Variants in LIG1 observed in about 807,000 individuals in gnomAD.
LIG1 encodes the protein ligase I, DNA, ATP-dependent.
Under a neutral mutation model 115.7 loss-of-function variants are expected in LIG1, and 70 were observed. That is an observed-to-expected ratio of 0.60 (90% CI 0.50 to 0.74). The LOEUF is 0.74. Among genes scored for constraint, LIG1 ranks in the 30% least tolerant of loss-of-function variants. LIG1 has a pLI of 0.00. For synonymous variants in LIG1, 487 were observed against 495.3 expected (o/e 0.98, Z 0.22); for missense variants, 1,115 against 1,225.6 (o/e 0.91, Z 1.35).
intron 10 of LIG1, 112 bp from the exon 11 acceptor site, chr19:48,143,711 T>TGCATGA (rs1050053838): frequency 3.3e-5 from 36 of 1,090,304 alleles, no homozygotes; most frequent in Non-Finnish European, 4.4e-5. Flanking sequence ...AATACCCAAA[T>TGCATGA]GCATGAGCTC....
At position 48,140,472 on chromosome 19, in the gene LIG1, G is replaced by A. The variant is rs181528535; in HGVS notation, c.915-329C>T. Among the ~76,000 whole-genome samples, 10 of 152,262 alleles carry A rather than the reference G, an allele frequency of 6.6e-5. No individual in the cohort carries two copies. The East Asian group carries it at 1.2e-3, about 18-fold the overall frequency. On this transcript the variant is annotated intron_variant, in intron 11 of 27. Transcript: ENST00000263274. ...CTAACTTTGGGAAGGAATTTGGTTC[G>A]TGGCTTGACTCTGAAACGAAATTGG...
chr19:48,133,141 G>T, intron 17 of LIG1, 44 bp from the exon 18 acceptor site: 2 of 1,226,966 alleles, frequency 1.6e-6, no homozygotes, highest in Non-Finnish European at 1.2e-6. Context: ...GAAGGCAATG[G>T]ATTAGAGGGG....
intron 1 of LIG1, among the ~76,000 whole-genome samples, chr19:48,166,525 T>A (rs1225246611): frequency 6.6e-6 from 1 of 152,222 alleles, no homozygotes; most frequent in African/African-American, 2.4e-5. Flanking sequence ...AGGGAGATTT[T>A]TTAATATGCA....
intron 20 of LIG1, chr19:48,127,606 C>G: frequency 1.6e-6 from 1 of 608,832 alleles, no homozygotes; most frequent in Non-Finnish European, 2.9e-6. Context: ...TGGCACAGTT[C>G]TGGCCAATGA....
chr19:48,132,839 G>A lies in LIG1; in HGVS notation c.1725+143C>T, dbSNP rs1018629579. ...AAAAGAACACACTCACTGCATGGAG[G>A]TGGATGCTGAAGCCCAGAGAGATGA... On this transcript the variant is annotated intron_variant, in intron 18 of 27. Coordinates refer to ENST00000263274, the MANE Select transcript of LIG1 (RefSeq NM_000234.3). The A allele has an allele frequency of 1.1e-5, 8 of 725,774 alleles. No individual in the cohort carries two copies. In the African/African-American group the frequency reaches 1.3e-4, roughly 12 times the overall value. The allele number at this position is 725,774 out of a possible 1,614,324, so 45.0% of individuals were successfully genotyped here.
chr19:48,142,442 C>CAACAAAAAAAAAAAAAAA (rs2034825111), intron 11 of LIG1, among the ~76,000 whole-genome samples: 1 of 75,604 alleles, frequency 1.3e-5, no homozygotes, highest in African/African-American at 4.9e-5. Flanking sequence ...GACTCCATCT[C>CAACAAAAAAAAAAAAAAA]AAAAAAAAAA....
In LIG1 at chr19:48,122,284, C is replaced by G. The variant is rs1293806963; in HGVS notation, c.2232+650G>C. ...CCCAGGAGCTTCGCACAATGACAAC[C>G]TGTGACTCCCGGCACGGAACCCCCA... is the stretch of plus-strand genomic sequence containing the variant. On this transcript the variant is annotated intron_variant, in intron 23 of 27. Coordinates refer to ENST00000263274, the MANE Select transcript of LIG1 (RefSeq NM_000234.3). This position sits in a 1 kb window ranked among gnomAD's most constrained non-coding sequence, Gnocchi z 4.3. 6.3e-6 allele frequency: 1 copy of G among 158,434 alleles called. No homozygotes were observed. The highest frequency in any genetic ancestry group is 1.4e-5 in the Non-Finnish European group (1 of 71,632). 9.8% of individuals were successfully genotyped at this position (158,434 alleles called of 1,614,324 possible).
At chr19:48,158,598 C>G (rs886475655) in intron 4 of LIG1, among the ~76,000 whole-genome samples, 1 of 152,278 alleles carries the variant, frequency 6.6e-6, no homozygotes, top group Non-Finnish European at 1.5e-5. Context: ...CACAAATCTT[C>G]TTCTTGCTCT....
rs1329558359 is a variant in LIG1 at position 48,140,287 on chromosome 19, C to T, written c.915-144G>A. 1.1e-4 allele frequency: 73 copies of T among 635,446 alleles called. 2 individuals are homozygous for T. The Admixed American group carries it at 2.0e-3, about 17-fold the overall frequency. 39.4% of individuals were successfully genotyped at this position (635,446 alleles called of 1,614,324 possible). On this transcript the variant is annotated intron_variant, in intron 11 of 27. Transcript: ENST00000263274. ...CTCAGAACAGTCCCAGGCTCTGGGG[C>T]CTGGAGCCATGAGGACAATCACAGA...
chr19:48,122,983 T>C lies in LIG1; in HGVS notation c.2183A>G (p.Asp728Gly). The C allele has an allele frequency of 4.3e-6, 7 of 1,613,394 alleles. No homozygotes were observed. The highest frequency in any genetic ancestry group is 5.9e-6 in the Non-Finnish European group (7 of 1,179,900). The change falls in exon 23 of 28, where the codon GAT becomes GGT. Residue 728 changes from aspartate (D) to glycine (G), a missense_variant. Transcript: ENST00000263274. The surrounding 1 kb of genome is among the most constrained non-coding windows in gnomAD (Gnocchi z 4.3). ...GGCGATCTCGTAGGTGGCATCAACA[T>C]CCAGGGTCTTCACCATCAGCCCCTC... Reference protein sequence around the residue: ...SCEGLMVKTLDVDATYEIAKR... With the variant: ...SCEGLMVKTLGVDATYEIAKR...
At chr19:48,139,269 C>G (rs933976141) in intron 12 of LIG1, among the ~76,000 whole-genome samples, 2 of 152,186 alleles carry the variant, frequency 1.3e-5, no homozygotes, top group South Asian at 4.1e-4. Context: ...GGTGCCTGCC[C>G]CTCACCAGGG....
intron 4 of LIG1, 154 bp downstream of exon 4, chr19:48,161,218 C>A: frequency 9.0e-7 from 1 of 1,108,868 alleles, no homozygotes; most frequent in Admixed American, 1.7e-5. Flanking sequence ...CAATTAGGAC[C>A]AGGTTGTGTC....
At chr19:48,166,612 A>C (rs1009075491) in intron 1 of LIG1, among the ~76,000 whole-genome samples, 1 of 152,222 alleles carries the variant, frequency 6.6e-6, no homozygotes, top group Non-Finnish European at 1.5e-5. Context: ...TTTTTTAAAA[A>C]GTCTGTTATT....
chr19:48,158,915 G>A (rs1392023545), intron 4 of LIG1, among the ~76,000 whole-genome samples: 2 of 152,162 alleles, frequency 1.3e-5, no homozygotes, highest in African/African-American at 4.8e-5. Context: ...GCACCCCACA[G>A]TTGCTACCTC....
intron 9 of LIG1, chr19:48,145,893 TGA>T (rs1352519640): frequency 6.6e-6 from 1 of 152,226 alleles, no homozygotes; most frequent in African/African-American, 2.4e-5. Context: ...GTCACACAGC[TGA>T]GAGAGGTGGA....
intron 9 of LIG1, among the ~76,000 whole-genome samples, chr19:48,149,396 T>C (rs1475743100): frequency 6.6e-6 from 1 of 152,046 alleles, no homozygotes; most frequent in Non-Finnish European, 1.5e-5. Flanking sequence ...GGGCTTAGAT[T>C]TTCTCCTGAC....
intron 4 of LIG1, among the ~76,000 whole-genome samples, chr19:48,159,081 T>C (rs2036019390): frequency 1.6e-5 from 1 of 62,980 alleles, no homozygotes; most frequent in Non-Finnish European, 4.1e-5. Flanking sequence ...TCTCAGATAA[T>C]TTTTTTTTTT....
At chr19:48,152,643 G>A (rs2035550635) in intron 6 of LIG1, among the ~76,000 whole-genome samples, 1 of 152,134 alleles carries the variant, frequency 6.6e-6, no homozygotes, top group African/African-American at 2.4e-5. Flanking sequence ...TTTTTCAAAG[G>A]AAACCCAGCG....
At position 48,122,971 on chromosome 19, in the gene LIG1, G is replaced by A. The variant is rs914048812; in HGVS notation, c.2195C>T (p.Thr732Ile). 1.7e-5 allele frequency: 27 copies of A among 1,613,540 alleles called. No individual in the cohort carries two copies. The highest frequency in any genetic ancestry group is 1.1e-5 in the South Asian group (1 of 91,046). ...LMVKTLDVDA[T>I]YEIAKRSHNW... ...GTGCGATCTCTTGGCGATCTCGTAGGTGGCATCAACATCCAGGGTCTTCAC... is the reference window on the plus strand; with the variant it reads ...GTGCGATCTCTTGGCGATCTCGTAGATGGCATCAACATCCAGGGTCTTCAC... Residue 732 changes from threonine to isoleucine, a missense_variant, in exon 23 of 28, where the codon ACC becomes ATC. Physicochemically the swap from Thr to Ile is moderately conservative, Grantham distance 89 (BLOSUM62 -1). Coordinates refer to ENST00000263274, the MANE Select transcript of LIG1 (RefSeq NM_000234.3). The surrounding 1 kb of genome is among the most constrained non-coding windows in gnomAD (Gnocchi z 4.3).
Sources: gnomAD v4.1 joint callset for allele counts (sites outside exome capture counted in the v4.1 genomes callset) on GRCh38, gnomAD v4.1.1 for gene constraint, Gnocchi (gnomAD v3.1) non-coding constraint, MANE v1.5 for transcripts, NCBI Gene and HGNC (gene_info 2026-07-23, HGNC 2026-07-21) for gene names.